The following NF1 variants were observed in gnomAD, a reference collection of about 807,000 sequenced individuals.
NF1 encodes neurofibromin 1.
A neutral mutation model predicts 325.7 loss-of-function variants in NF1; 122 were observed. The observed-to-expected ratio is 0.37, with a 90% CI of 0.32 to 0.44. The LOEUF (loss-of-function observed/expected upper bound fraction) is 0.44. Ranked by LOEUF, NF1 falls within the 20% of genes least tolerant of loss-of-function variation. The pLI is 1.00. For synonymous variants in NF1, 1,091 were observed against 1,186.0 expected (o/e 0.92, Z 1.65); for missense variants, 2,140 against 3,415.4 (o/e 0.63, Z 9.31).
chr17:31,244,591 G>A (rs772941147), intron 29 of NF1, among the ~76,000 whole-genome samples: 2 of 152,118 alleles, frequency 1.3e-5, no homozygotes, highest in Non-Finnish European at 2.9e-5. Flanking sequence ...CTATGACAGG[G>A]CAGCATTTAG....
chr17:31,241,256 G>C (rs1229984020), intron 29 of NF1, among the ~76,000 whole-genome samples: 1 of 152,146 alleles, frequency 6.6e-6, no homozygotes, highest in African/African-American at 2.4e-5. Context: ...GTAGGCAACA[G>C]ATTGTTGGGT....
At position 31,206,370 on chromosome 17, in the gene NF1, C is replaced by A. The variant is rs1269425503; in HGVS notation, c.1391C>A (p.Pro464Gln). 1.2e-6 allele frequency: 2 copies of A among 1,613,524 alleles called. No homozygotes were observed. The highest frequency in any genetic ancestry group is 2.7e-5 in the African/African-American group (2 of 74,994). The part of the protein sequence containing the change: ...CGAHPAIRMA[P>Q]SLTFKEKVTS... ...GCACACCCAGCAATACGAATGGCACCGGTAAGATAAATCACGAATTTTGAA... is the reference window on the plus strand; with the variant it reads ...GCACACCCAGCAATACGAATGGCACAGGTAAGATAAATCACGAATTTTGAA... The change falls in exon 12 of 58, where the codon CCG becomes CAG. Residue 464 changes from proline (P) to glutamine (Q), a missense_variant and splice_region_variant. Around this residue, in one of 10 missense-constraint regions of NF1, gnomAD observed 179 missense variants for 381.0 expected, o/e 0.47. Coordinates refer to ENST00000358273, the MANE Select transcript of NF1 (RefSeq NM_001042492.3).
At position 31,360,549 on chromosome 17, in the gene NF1, G is replaced by A. The variant is rs777755159; in HGVS notation, c.8223G>A (p.Thr2741=). The A allele has an allele frequency of 6.2e-6, 10 of 1,613,850 alleles. No homozygotes were observed. The highest frequency in any genetic ancestry group is 1.7e-5 in the Admixed American group (1 of 59,984). The change falls in exon 57 of 58, where the codon ACG becomes ACA. Residue 2741 remains threonine (T), a synonymous_variant. Coordinates refer to ENST00000358273, the MANE Select transcript of NF1 (RefSeq NM_001042492.3). ...AGTTTCTTGATGCCTTGATTGACAC[G>A]TACCTGCCTGGAATTGATGAAGAAA... ...IVKFLDALID[T]YLPGIDEETS... is the part of the protein sequence containing the mutation.
At position 31,377,471 on chromosome 17, in the gene NF1, C is replaced by T. The variant is rs577718759; in HGVS notation, c.*3316C>T. The stretch of plus-strand genomic sequence containing the variant: ...CATCCGGGCCTAAACTTTGGCAGTT[C>T]CTTTGTCTACAACCTTGTTAATACT... On this transcript the variant is annotated 3_prime_UTR_variant, in exon 58 of 58. Transcript: ENST00000358273. 1 of 232,966 alleles carries T rather than the reference C, an allele frequency of 4.3e-6. No individual in the cohort carries two copies. The highest frequency in any genetic ancestry group is 1.8e-4 in the South Asian group (1 of 5,516). The allele number at this position is 232,966 out of a possible 1,614,324, so 14.4% of individuals were successfully genotyped here.
intron 36 of NF1, among the ~76,000 whole-genome samples, chr17:31,276,215 A>AG (rs943817289): frequency 2.7e-5 from 4 of 150,230 alleles, no homozygotes; most frequent in African/African-American, 9.7e-5. Context: ...TCTCAAAAAA[A>AG]AAAAAAAAAA....
At chr17:31,216,713 A>G (rs1321016236) in intron 13 of NF1, among the ~76,000 whole-genome samples, 1 of 151,944 alleles carries the variant, frequency 6.6e-6, no homozygotes, top group East Asian at 1.9e-4. Flanking sequence ...CCAAACTCCA[A>G]ATAGATCTAC....
intron 1 of NF1, among the ~76,000 whole-genome samples, chr17:31,144,678 A>G (rs1361254191): frequency 1.3e-5 from 2 of 152,154 alleles, no homozygotes. Flanking sequence ...TTCTCACAGC[A>G]TGCTGATCTC....
At chr17:31,121,395 C>CTTTTTTTTTTTTTTTTTTTTTTT (rs71142019) in intron 1 of NF1, among the ~76,000 whole-genome samples, 1 of 92,528 alleles carries the variant, frequency 1.1e-5, no homozygotes, top group Non-Finnish European at 2.1e-5. Flanking sequence ...AATCACTATT[C>CTTTTTTTTTTTTTTTTTTTTTTT]TTTTTTTTTT....
In NF1 at chr17:31,357,471, T is replaced by C. The variant is rs1347884061; in HGVS notation, c.7970+102T>C. 5 of 889,190 alleles carry C rather than the reference T, an allele frequency of 5.6e-6. No individual in the cohort carries two copies. The African/African-American group carries it at 6.6e-5, about 12-fold the overall frequency. The allele number at this position is 889,190 out of a possible 1,614,324, so 55.1% of individuals were successfully genotyped here. On this transcript the variant is annotated intron_variant, in intron 54 of 57. Coordinates refer to ENST00000358273, the MANE Select transcript of NF1 (RefSeq NM_001042492.3). ...GTTGCAAAGAGGGCAAAATGAGATA[T>C]TGTGATAGTGATTTTAGCTTTGAGA...
At chr17:31,318,150 G>C in intron 36 of NF1, 1 of 844,126 alleles carries the variant, frequency 1.2e-6, no homozygotes, top group Non-Finnish European at 1.8e-6. Context: ...AATTAAGCAG[G>C]CATACTTCTC....
chr17:31,236,575 G>C (rs1420791141), intron 29 of NF1, among the ~76,000 whole-genome samples: 2 of 151,858 alleles, frequency 1.3e-5, no homozygotes, highest in Admixed American at 1.3e-4. Flanking sequence ...GAGTAGCTGG[G>C]ATTACAGGTG....
At chr17:31,141,232 G>A (rs908667220) in intron 1 of NF1, among the ~76,000 whole-genome samples, 3 of 151,470 alleles carry the variant, frequency 2.0e-5, no homozygotes, top group African/African-American at 7.3e-5. Flanking sequence ...TATTGTTGGG[G>A]CAGGGATCAG....
intron 29 of NF1, among the ~76,000 whole-genome samples, chr17:31,245,846 T>G (rs2067380411): frequency 1.3e-5 from 2 of 152,196 alleles, no homozygotes; most frequent in African/African-American, 2.4e-5. Flanking sequence ...TAAACTCACC[T>G]TCAGCCTCTC....
At chr17:31,220,291 A>G (rs574494879) in intron 14 of NF1, among the ~76,000 whole-genome samples, 1 of 152,316 alleles carries the variant, frequency 6.6e-6, no homozygotes, top group African/African-American at 2.4e-5. Flanking sequence ...TTATAAAAAT[A>G]TTTTAGCACT....
At chr17:31,215,587 A>G (rs1165331879) in intron 13 of NF1, among the ~76,000 whole-genome samples, 1 of 152,202 alleles carries the variant, frequency 6.6e-6, no homozygotes, top group Non-Finnish European at 1.5e-5. Context: ...CTGGTGCATA[A>G]TAAGCACTAA....
At chr17:31,141,470 C>T (rs1246429180) in intron 1 of NF1, among the ~76,000 whole-genome samples, 1 of 151,894 alleles carries the variant, frequency 6.6e-6, no homozygotes, top group Non-Finnish European at 1.5e-5. Flanking sequence ...TCATTGATGG[C>T]CTTTTAGTTA....
At chr17:31,226,410 T>A (rs1490626421) in intron 17 of NF1, 25 bp from the exon 18 acceptor site, 1 of 1,608,378 alleles carries the variant, frequency 6.2e-7, no homozygotes, top group Admixed American at 1.7e-5. Flanking sequence ...GTTGCAAATA[T>A]ATGTCTTCCA....
At chr17:31,097,202 A>C (rs1911807571) in intron 1 of NF1, among the ~76,000 whole-genome samples, 1 of 152,200 alleles carries the variant, frequency 6.6e-6, no homozygotes. Flanking sequence ...TCACGCCTGT[A>C]ATCCCAGCAC....
At chr17:31,231,515 C>A (rs555438799) in intron 24 of NF1, among the ~76,000 whole-genome samples, 16 of 152,228 alleles carry the variant, frequency 1.1e-4, no homozygotes, top group African/African-American at 2.9e-4. Context: ...CTCCCATGAA[C>A]ACTAAAATCC....
Sources: gnomAD v4.1 joint callset for allele counts (sites outside exome capture counted in the v4.1 genomes callset) on GRCh38, gnomAD v4.1.1 for gene constraint, gnomAD v4.1.1 regional missense constraint, MANE v1.5 for transcripts, NCBI Gene and HGNC (gene_info 2026-07-23, HGNC 2026-07-21) for gene names.